Variants in SFSWAP observed in about 807,000 individuals in gnomAD.
The protein encoded by SFSWAP is splicing factor SWAP.
SFSWAP carries 17 observed loss-of-function variants against 100.7 expected under a neutral mutation model. The ratio of observed to expected loss-of-function variants is 0.17; its 90% CI spans 0.12 to 0.25. SFSWAP has a LOEUF of 0.25. Ranked by LOEUF, SFSWAP falls within the 10% of genes least tolerant of loss-of-function variation. SFSWAP has a pLI of 1.00. For missense variants in SFSWAP, 1,005 were observed against 1,262.6 expected (o/e 0.80, Z 3.09); for synonymous variants, 504 against 510.1 (o/e 0.99, Z 0.16).
At chr12:131,769,451 A>G (rs1367070129) in intron 13 of SFSWAP, among the ~76,000 whole-genome samples, 1 of 152,204 alleles carries the variant, frequency 6.6e-6, no homozygotes, top group Non-Finnish European at 1.5e-5. Flanking sequence ...CTATACGTGT[A>G]TGTCGTCATA....
Position 131,725,469 on chromosome 12 carries a change from C to A in SFSWAP, c.671C>A (p.Ala224Glu). The A allele has an allele frequency of 6.2e-7, 1 of 1,614,158 alleles. No individual in the cohort carries two copies. ...GCCAGCTTCGTGTGCAGGCAGGGAG[C>A]ACAGTTTGAGATCATGCTGAAGGCC... ...RTASFVCRQG[A>E]QFEIMLKAKQ... The change falls in exon 5 of 18, where the codon GCA becomes GAA. Residue 224 changes from alanine (A) to glutamate (E), a missense_variant. Ala to Glu is a moderately radical substitution (Grantham distance 107). Transcript: ENST00000261674. This position sits in a 1 kb window ranked among gnomAD's most constrained non-coding sequence, Gnocchi z 4.3.
chr12:131,732,148 G>A (rs34459128), intron 7 of SFSWAP, among the ~76,000 whole-genome samples: 26,639 of 151,952 alleles, frequency 0.18, 3,082 homozygotes, highest in Non-Finnish European at 0.25. Context: ...GACCTCAGGT[G>A]ATCCGCCCAC....
chr12:131,772,628 A>C (rs1378156560), intron 13 of SFSWAP, among the ~76,000 whole-genome samples: 11 of 152,144 alleles, frequency 7.2e-5, no homozygotes, highest in Non-Finnish European at 1.6e-4. Context: ...CGCTGGCCTC[A>C]CGGCAGCCTC....
At chr12:131,742,984 C>T (rs1880796192) in intron 7 of SFSWAP, among the ~76,000 whole-genome samples, 1 of 152,296 alleles carries the variant, frequency 6.6e-6, no homozygotes, top group Non-Finnish European at 1.5e-5. Flanking sequence ...CAGAGAGACT[C>T]CTGTTTTTGA....
At chr12:131,744,842 A>C (rs1199168530) in intron 7 of SFSWAP, among the ~76,000 whole-genome samples, 1 of 152,252 alleles carries the variant, frequency 6.6e-6, no homozygotes, top group Non-Finnish European at 1.5e-5. Context: ...GGCAGAAGGC[A>C]AGGAGGAGCA....
At chr12:131,774,766 T>C (rs1883875661) in intron 13 of SFSWAP, among the ~76,000 whole-genome samples, 1 of 152,202 alleles carries the variant, frequency 6.6e-6, no homozygotes, top group Non-Finnish European at 1.5e-5. Flanking sequence ...TGGTGAAGGA[T>C]GATCGTGTTG....
chr12:131,721,649 T>C (rs913805381), intron 4 of SFSWAP, among the ~76,000 whole-genome samples: 5 of 152,248 alleles, frequency 3.3e-5, no homozygotes, highest in African/African-American at 1.2e-4. Flanking sequence ...TGGAATTGTG[T>C]TGCCTTAATT....
intron 13 of SFSWAP, among the ~76,000 whole-genome samples, chr12:131,775,103 C>T (rs2136250423): frequency 6.6e-6 from 1 of 152,298 alleles, no homozygotes; most frequent in South Asian, 2.1e-4. Context: ...TTTCCATCTC[C>T]CCTCTGTTTT....
intron 16 of SFSWAP, among the ~76,000 whole-genome samples, chr12:131,798,518 C>T (rs1885837834): frequency 1.3e-5 from 2 of 152,032 alleles, no homozygotes; most frequent in Non-Finnish European, 2.9e-5. Flanking sequence ...ATATGAAAAT[C>T]TTTTTGAGTT....
rs755434823 is a variant in SFSWAP at position 131,766,344 on chromosome 12, G to C, written c.2142+36G>C. ...ATCCCACATTGGTATCTGCGGGGCTGTGTGATACATAGAGGCAGGGAGGAT... is the reference window on the plus strand; with the variant it reads ...ATCCCACATTGGTATCTGCGGGGCTCTGTGATACATAGAGGCAGGGAGGAT... On this transcript the variant is annotated intron_variant, in intron 13 of 17. Coordinates refer to ENST00000261674, the MANE Select transcript of SFSWAP (RefSeq NM_004592.4). 1.9e-6 allele frequency: 3 copies of C among 1,583,636 alleles called. No individual in the cohort carries two copies. The South Asian group carries it at 3.3e-5, about 18-fold the overall frequency.
intron 11 of SFSWAP, among the ~76,000 whole-genome samples, chr12:131,764,080 C>T (rs1424452661): frequency 6.6e-6 from 1 of 152,106 alleles, no homozygotes; most frequent in Non-Finnish European, 1.5e-5. Flanking sequence ...GAGCCGAGAT[C>T]GTGCCACTGC....
At chr12:131,760,560 T>C (rs368547362) in intron 11 of SFSWAP, among the ~76,000 whole-genome samples, 16 of 152,280 alleles carry the variant, frequency 1.1e-4, no homozygotes, top group Non-Finnish European at 1.6e-4. Flanking sequence ...CCCAGTAATA[T>C]GGACTGAGTT....
chr12:131,729,182 T>C (rs1292559495), intron 7 of SFSWAP, among the ~76,000 whole-genome samples: 1 of 152,172 alleles, frequency 6.6e-6, no homozygotes, highest in Non-Finnish European at 1.5e-5. Flanking sequence ...ACACATAGTA[T>C]TGTCTAACAC....
intron 6 of SFSWAP, among the ~76,000 whole-genome samples, chr12:131,727,751 T>G (rs1392669333): frequency 6.6e-6 from 1 of 152,224 alleles, no homozygotes; most frequent in Admixed American, 6.5e-5. Context: ...TGTTTTTAAA[T>G]AAATATTTTC....
intron 7 of SFSWAP, among the ~76,000 whole-genome samples, chr12:131,746,836 G>T (rs1881144883): frequency 6.6e-6 from 1 of 152,200 alleles, no homozygotes; most frequent in South Asian, 2.1e-4. Flanking sequence ...CGGGCATGCT[G>T]GCTCACGCCT....
chr12:131,765,968 T>A, intron 12 of SFSWAP, 150 bp from the exon 13 acceptor site: 1 of 706,604 alleles, frequency 1.4e-6, no homozygotes, highest in East Asian at 2.7e-5. Context: ...ATAAACTAAT[T>A]CTCTCAAAAT....
chr12:131,762,936 G>A (rs1447249364), intron 11 of SFSWAP, among the ~76,000 whole-genome samples: 2 of 151,914 alleles, frequency 1.3e-5, no homozygotes, highest in African/African-American at 2.4e-5. Flanking sequence ...AAACATGTAC[G>A]AAAACAGAAT....
At chr12:131,785,128 G>A (rs1390697951) in intron 14 of SFSWAP, 5 of 1,535,608 alleles carry the variant, frequency 3.3e-6, no homozygotes. Context: ...CAGCGCGTCA[G>A]TGACAGCGGC....
intron 7 of SFSWAP, among the ~76,000 whole-genome samples, chr12:131,738,935 C>T (rs1263542007): frequency 8.5e-6 from 1 of 118,218 alleles, no homozygotes; most frequent in Non-Finnish European, 1.7e-5. Context: ...GCTCTGTCAC[C>T]TAGGCTGGAG....
Sources: allele counts gnomAD v4.1 joint callset (sites outside exome capture counted in the v4.1 genomes callset), GRCh38; gene constraint gnomAD v4.1.1; non-coding constraint Gnocchi (gnomAD v3.1); transcripts MANE v1.5; gene names NCBI Gene and HGNC (gene_info 2026-07-23, HGNC 2026-07-21).